Variants in SOX5 observed in about 807,000 individuals in gnomAD.
SOX5 encodes the protein transcription factor SOX-5.
Under a neutral mutation model 92.0 loss-of-function variants are expected in SOX5, and 9 were observed. The ratio of observed to expected loss-of-function variants is 0.10; its 90% CI spans 0.06 to 0.17. The LOEUF is 0.17. Ranked by LOEUF, SOX5 falls within the 10% of genes least tolerant of loss-of-function variation. SOX5 has a pLI of 1.00. For synonymous variants in SOX5, 344 were observed against 336.3 expected, an observed-to-expected ratio of 1.02 and a Z score of -0.25; for missense variants, 642 against 944.5, an observed-to-expected ratio of 0.68 and a Z score of 4.20.
At chr12:23,836,811 T>G (rs1203015156) in intron 3 of SOX5, among the ~76,000 whole-genome samples, 1 of 151,988 alleles carries the variant, frequency 6.6e-6, no homozygotes, top group African/African-American at 2.4e-5. Context: ...AAAAATAGCT[T>G]GAGGGAAGAA....
chr12:23,607,466 A>C (rs2075384041), intron 8 of SOX5, among the ~76,000 whole-genome samples: 1 of 152,162 alleles, frequency 6.6e-6, no homozygotes, highest in African/African-American at 2.4e-5. Context: ...AGAGTGGATA[A>C]TTTTTTTAAA....
At chr12:23,867,455 A>G (rs1433040499) in intron 2 of SOX5, among the ~76,000 whole-genome samples, 2 of 152,148 alleles carry the variant, frequency 1.3e-5, no homozygotes, top group African/African-American at 4.8e-5. Flanking sequence ...TCAAAGTAAG[A>G]GATACGGACT....
chr12:23,666,060 T>C (rs538290577), intron 6 of SOX5, among the ~76,000 whole-genome samples: 21 of 152,254 alleles, frequency 1.4e-4, no homozygotes, highest in African/African-American at 4.8e-4. Context: ...TTTTAAATTA[T>C]TGAATACAGT....
In SOX5 at chr12:24,471,444, C is replaced by T. The variant is rs1409399263; in HGVS notation, c.-251+90885G>A. ...TAATCTAACCTTTCTGTAAAGATGA[C>T]AGTGCCCCATCACCATTATCCTGAG... On this transcript the variant is annotated intron_variant, in intron 1 of 4. Coordinates refer to the SOX5 transcript ENST00000446891. 2.0e-5 allele frequency among the ~76,000 whole-genome samples: 3 copies of T among 152,152 alleles called. No homozygotes were observed. In the East Asian group the frequency reaches 5.8e-4, roughly 29 times the overall value.
chr12:23,788,706 T>C lies in SOX5; in HGVS notation c.482-32982A>G, dbSNP rs368429226. 1.3e-4 allele frequency among the ~76,000 whole-genome samples: 20 copies of C among 152,112 alleles called. No homozygotes were observed. In the East Asian group the frequency reaches 2.1e-3, roughly 16 times the overall value. On this transcript the variant is annotated intron_variant, in intron 3 of 14. Coordinates refer to ENST00000451604, the MANE Select transcript of SOX5 (RefSeq NM_006940.6). ...AGAATTTAACGGCAGAGAGTTCAGA[T>C]TTTATACAATTTGACAAGAACACAG... is the stretch of plus-strand genomic sequence containing the variant.
intron 1 of SOX5, among the ~76,000 whole-genome samples, chr12:24,504,832 A>T (rs925662909): frequency 6.6e-6 from 1 of 152,216 alleles, no homozygotes; most frequent in Admixed American, 6.5e-5. Flanking sequence ...AGCTAATCTA[A>T]GCAAGGTGCA....
chr12:24,560,975 C>T (rs1267809364), intron 1 of SOX5, among the ~76,000 whole-genome samples: 1 of 152,158 alleles, frequency 6.6e-6, no homozygotes, highest in Admixed American at 6.5e-5. Context: ...CTGTCCAGTC[C>T]CTTTGCAGAT....
At chr12:24,280,207 T>C (rs1264637759) in intron 2 of SOX5, among the ~76,000 whole-genome samples, 1 of 152,190 alleles carries the variant, frequency 6.6e-6, no homozygotes, top group Non-Finnish European at 1.5e-5. Flanking sequence ...CTCAGTCACT[T>C]TGGTGACATG....
At chr12:24,030,251 C>CA (rs1955346390) in intron 4 of SOX5, among the ~76,000 whole-genome samples, 1 of 151,750 alleles carries the variant, frequency 6.6e-6, no homozygotes, top group African/African-American at 2.4e-5. Flanking sequence ...AAATCTACAG[C>CA]AAAAAGAACA....
intron 1 of SOX5, among the ~76,000 whole-genome samples, chr12:24,468,270 T>G (rs902903103): frequency 6.6e-6 from 1 of 152,202 alleles, no homozygotes; most frequent in Non-Finnish European, 1.5e-5. Flanking sequence ...TTTCTTGATA[T>G]GTTAATTTGG....
Position 23,607,428 on chromosome 12 carries a change from A to G in SOX5, c.1018-2895T>C, listed in dbSNP as rs951380602. On this transcript the variant is annotated intron_variant, in intron 8 of 14. Coordinates refer to ENST00000451604, the MANE Select transcript of SOX5 (RefSeq NM_006940.6). ...TTCAGTAAAATTAAAGAAGCTGACA[A>G]TAATTCTTCTATCTGGCTACATATG... Among the ~76,000 whole-genome samples the G allele has an allele frequency of 5.9e-5, 9 of 152,224 alleles. No homozygotes were observed. In the South Asian group the frequency reaches 1.7e-3, roughly 28 times the overall value.
intron 4 of SOX5, among the ~76,000 whole-genome samples, chr12:24,129,078 CTT>C (rs1459803134): frequency 2.0e-5 from 3 of 152,178 alleles, no homozygotes; most frequent in Non-Finnish European, 2.9e-5. Flanking sequence ...TCAGTCATGA[CTT>C]AACTTCACAT....
intron 1 of SOX5, among the ~76,000 whole-genome samples, chr12:23,930,851 G>C (rs907324608): frequency 6.6e-6 from 1 of 151,636 alleles, no homozygotes; most frequent in Non-Finnish European, 1.5e-5. Context: ...TCTGGAAAAT[G>C]TATCATTCTT....
intron 4 of SOX5, among the ~76,000 whole-genome samples, chr12:23,963,784 C>T (rs1339728815): frequency 1.5e-5 from 1 of 67,334 alleles, no homozygotes; most frequent in Non-Finnish European, 3.4e-5. Context: ...AAAAAAAAAA[C>T]TGGAAGGCTA....
chr12:24,542,879 T>A (rs1035021286), intron 1 of SOX5, among the ~76,000 whole-genome samples: 12 of 152,230 alleles, frequency 7.9e-5, no homozygotes, highest in Non-Finnish European at 1.3e-4. Flanking sequence ...CCTCCATTTT[T>A]AATAAATCAA....
chr12:23,778,364 C>G (rs1412707096), intron 3 of SOX5, among the ~76,000 whole-genome samples: 2 of 152,004 alleles, frequency 1.3e-5, no homozygotes, highest in Non-Finnish European at 2.9e-5. Context: ...GTTAAGTGAA[C>G]CAAGTTTTAT....
chr12:23,899,227 C>T (rs1401078503), intron 1 of SOX5, among the ~76,000 whole-genome samples: 1 of 151,932 alleles, frequency 6.6e-6, no homozygotes, highest in African/African-American at 2.4e-5. Context: ...CATGGAGAAA[C>T]CCCATCTCTA....
chr12:23,742,353 CTCTT>C (rs955266667), intron 4 of SOX5, among the ~76,000 whole-genome samples: 1 of 152,114 alleles, frequency 6.6e-6, no homozygotes, highest in African/African-American at 2.4e-5. Flanking sequence ...ATTTCTTATG[CTCTT>C]TCTTATTATC....
chr12:24,283,604 G>C (rs779973409), intron 2 of SOX5, among the ~76,000 whole-genome samples: 2 of 152,130 alleles, frequency 1.3e-5, no homozygotes, highest in African/African-American at 2.4e-5. Flanking sequence ...TAAGAACCAA[G>C]AACCTACTCT....
Sources: allele counts gnomAD v4.1 joint callset (sites outside exome capture counted in the v4.1 genomes callset), GRCh38; gene constraint gnomAD v4.1.1; transcripts MANE v1.5; gene names NCBI Gene and HGNC (gene_info 2026-07-23, HGNC 2026-07-21).